SLC35F3: variants seen among roughly 807,000 people sequenced by gnomAD.
SLC35F3 encodes solute carrier family 35 member F3.
SLC35F3 carries 25 observed loss-of-function variants against 49.9 expected under a neutral mutation model. The observed-to-expected ratio is 0.50, with a 90% CI of 0.37 to 0.70. The LOEUF is 0.70. Among genes scored for constraint, SLC35F3 ranks in the 30% least tolerant of loss-of-function variants. The pLI, the probability that SLC35F3 is intolerant of heterozygous loss-of-function variation, is 0.00. For missense variants in SLC35F3, 525 were observed against 639.8 expected (o/e 0.82, Z 1.94); for synonymous variants, 275 against 265.4 (o/e 1.04, Z -0.35).
intron 2 of SLC35F3, chr1:234,213,850 G>A (rs16842807): frequency 0.097 from 14,811 of 152,378 alleles, 2,604 homozygotes; most frequent in East Asian, 0.78. Flanking sequence ...GCTGTCCACG[G>A]GGCCAGACAA....
In SLC35F3 at chr1:234,320,287, C is replaced by T. The variant is rs1657586796; in HGVS notation, c.1237+100C>T. The T allele has an allele frequency of 1.3e-6, 1 of 760,674 alleles. No homozygotes were observed. Among genetic ancestry groups the T allele is most frequent in the Non-Finnish European group, 2.3e-6 (1 of 426,094 alleles). 47.1% of individuals were successfully genotyped at this position (760,674 alleles called of 1,614,324 possible). ...ACTCATGCATACATACACACTCACA[C>T]ATACACTCACATACACACACTCATG... On this transcript the variant is annotated intron_variant, in intron 7 of 7. Transcript: ENST00000366618. The surrounding 1 kb of genome is among the most constrained non-coding windows in gnomAD (Gnocchi z 4.8).
At chr1:233,919,752 C>T (rs1301368613) in intron 2 of SLC35F3, among the ~76,000 whole-genome samples, 2 of 152,170 alleles carry the variant, frequency 1.3e-5, no homozygotes, top group East Asian at 3.8e-4. Context: ...CTGTCCTTCC[C>T]CCCGGCTACC....
chr1:234,210,019 G>A (rs938069745), intron 2 of SLC35F3, among the ~76,000 whole-genome samples: 1 of 152,148 alleles, frequency 6.6e-6, no homozygotes, highest in African/African-American at 2.4e-5. Context: ...TGTTGTGGGA[G>A]GGACCCACTG....
At chr1:234,052,680 G>C (rs1290431770) in intron 2 of SLC35F3, among the ~76,000 whole-genome samples, 1 of 152,064 alleles carries the variant, frequency 6.6e-6, no homozygotes, top group East Asian at 1.9e-4. Flanking sequence ...CCTTCTGCTA[G>C]CTTTTAATGT....
chr1:234,175,386 A>T (rs1666460867), intron 2 of SLC35F3, among the ~76,000 whole-genome samples: 1 of 152,192 alleles, frequency 6.6e-6, no homozygotes, highest in Non-Finnish European at 1.5e-5. Flanking sequence ...ACAGGTAAGA[A>T]CCATGTCTTC....
intron 3 of SLC35F3, among the ~76,000 whole-genome samples, chr1:234,289,075 C>G (rs1436845525): frequency 1.3e-5 from 2 of 152,134 alleles, no homozygotes; most frequent in African/African-American, 4.8e-5. Flanking sequence ...AATTTTGAGG[C>G]AGAGGCAGTG....
At chr1:234,120,815 TA>T (rs1292469828) in intron 2 of SLC35F3, among the ~76,000 whole-genome samples, 3 of 152,246 alleles carry the variant, frequency 2.0e-5, no homozygotes, top group African/African-American at 7.2e-5. Context: ...CAGTCCTACT[TA>T]AAATTCTGAT....
At chr1:234,004,993 A>G (rs1663608039) in intron 2 of SLC35F3, among the ~76,000 whole-genome samples, 1 of 152,220 alleles carries the variant, frequency 6.6e-6, no homozygotes, top group African/African-American at 2.4e-5. Flanking sequence ...TTTTAAGGGG[A>G]GAATCTTAAG....
At chr1:234,247,471 A>T (rs564436370) in intron 3 of SLC35F3, among the ~76,000 whole-genome samples, 1 of 133,320 alleles carries the variant, frequency 7.5e-6, no homozygotes, top group Admixed American at 7.8e-5. Flanking sequence ...TGGTTGGTCC[A>T]TTGCTTGGTG....
At chr1:234,274,186 C>T (rs1171237735) in intron 3 of SLC35F3, 1 of 152,180 alleles carries the variant, frequency 6.6e-6, no homozygotes, top group East Asian at 1.9e-4. Context: ...AGAACAAATA[C>T]AAAAATCTTA....
At position 234,264,907 on chromosome 1, in the gene SLC35F3, C is replaced by T. The variant is rs1667957584; in HGVS notation, c.608+33166C>T. Reference sequence around the variant, plus strand: ...AACCCTCCTTATTGTTTACCTGGGACACTGAACTTTTTGTGTCATCTCCCT... The same window carrying T: ...AACCCTCCTTATTGTTTACCTGGGATACTGAACTTTTTGTGTCATCTCCCT... On this transcript the variant is annotated intron_variant, in intron 3 of 7. Transcript: ENST00000366618. Among the ~76,000 whole-genome samples, 3 of 152,184 alleles carry T rather than the reference C, an allele frequency of 2.0e-5. No individual in the cohort carries two copies. In the South Asian group the frequency reaches 6.2e-4, roughly 31 times the overall value.
intron 2 of SLC35F3, among the ~76,000 whole-genome samples, chr1:234,043,663 T>G (rs1664253809): frequency 6.6e-6 from 1 of 152,152 alleles, no homozygotes; most frequent in Non-Finnish European, 1.5e-5. Flanking sequence ...TCACAGAATC[T>G]CTGAAAAGGT....
chr1:233,988,522 G>A (rs890656574), intron 2 of SLC35F3, among the ~76,000 whole-genome samples: 4 of 152,120 alleles, frequency 2.6e-5, no homozygotes, highest in African/African-American at 7.2e-5. Context: ...GGTGCTATTC[G>A]TGTCTGAGCT....
chr1:234,117,934 G>GTATATATATATATATATA (rs1413560304), intron 2 of SLC35F3, among the ~76,000 whole-genome samples: 12 of 113,556 alleles, frequency 1.1e-4, no homozygotes, highest in East Asian at 2.6e-3. Context: ...GTGTGTGTGT[G>GTATATATATATATATATA]TGTGTGTGTG....
intron 3 of SLC35F3, among the ~76,000 whole-genome samples, chr1:234,305,143 A>C (rs1657123604): frequency 6.6e-6 from 1 of 152,232 alleles, no homozygotes; most frequent in South Asian, 2.1e-4. Context: ...TTAAATGATA[A>C]GCCATCCTCA....
intron 2 of SLC35F3, among the ~76,000 whole-genome samples, chr1:233,952,721 C>T (rs954030706): frequency 1.3e-4 from 20 of 152,190 alleles, no homozygotes; most frequent in Non-Finnish European, 4.4e-5. Flanking sequence ...ATGCTTTCTT[C>T]ACTCTGTTTG....
At chr1:234,271,534 G>T (rs1457541500) in intron 3 of SLC35F3, among the ~76,000 whole-genome samples, 1 of 152,168 alleles carries the variant, frequency 6.6e-6, no homozygotes, top group Non-Finnish European at 1.5e-5. Flanking sequence ...TGATTGAACA[G>T]GTGTTTGTGA....
intron 2 of SLC35F3, among the ~76,000 whole-genome samples, chr1:234,189,002 G>A (rs1666689574): frequency 6.6e-6 from 1 of 152,100 alleles, no homozygotes; most frequent in African/African-American, 2.4e-5. Context: ...GGAAAAGGGG[G>A]AGAGGAGAGT....
At chr1:234,298,899 T>C (rs553411776) in intron 3 of SLC35F3, among the ~76,000 whole-genome samples, 2 of 152,306 alleles carry the variant, frequency 1.3e-5, no homozygotes, top group South Asian at 4.1e-4. Flanking sequence ...GGATTTAAAG[T>C]ACCAGGATCC....
Sources: gnomAD v4.1 joint callset for allele counts (sites outside exome capture counted in the v4.1 genomes callset) on GRCh38, gnomAD v4.1.1 for gene constraint, Gnocchi (gnomAD v3.1) non-coding constraint, MANE v1.5 for transcripts, NCBI Gene and HGNC (gene_info 2026-07-23, HGNC 2026-07-21) for gene names.